The following SCGB1C1 variants were observed in gnomAD, a reference collection of about 807,000 sequenced individuals.
SCGB1C1 encodes the protein ligand binding protein RYD5.
SCGB1C1 carries 2 observed loss-of-function variants against 8.9 expected under a neutral mutation model. The ratio of observed to expected loss-of-function variants is 0.23; its 90% confidence interval spans 0.09 to 0.71. The LOEUF (loss-of-function observed/expected upper bound fraction) is 0.71, where lower values mean the gene tolerates loss of function less well. SCGB1C1 is among the 30% of genes least tolerant of loss of function. SCGB1C1 has a pLI of 0.78. For missense variants in SCGB1C1, 25 were observed against 112.7 expected (o/e 0.22, Z 3.52); for synonymous variants, 6 against 45.8 (o/e 0.13, Z 3.51).
chr11:193,546 C>A (rs1231706022), intron 1 of SCGB1C1, among the ~76,000 whole-genome samples, 166 bp from the exon 2 acceptor site: 2 of 152,248 alleles, frequency 1.3e-5, no homozygotes, highest in African/African-American at 4.8e-5. Flanking sequence ...GGTCTTCGGG[C>A]AAGGTGGAGT....
upstream of SCGB1C1, among the ~76,000 whole-genome samples, chr11:191,836 ACCCTAACCCTAACCCTAACCCCTAAC>A (rs760460404): frequency 0.078 from 3,797 of 48,678 alleles, 9 homozygotes; most frequent in South Asian, 0.17. Context: ...CCTAACCCTA[ACCCTAACCCTAACCCTAACCCCTAAC>A]CCCTAACCCT....
chr11:189,553 G>T (rs1346561145), upstream of SCGB1C1, among the ~76,000 whole-genome samples: 15 of 27,190 alleles, frequency 5.5e-4, no homozygotes, highest in Non-Finnish European at 8.1e-4. Flanking sequence ...TGTGGGTTTG[G>T]GGGGAGGTGG....
upstream of SCGB1C1, among the ~76,000 whole-genome samples, chr11:190,003 CTCTTCTG>C (rs1854764418): frequency 6.6e-6 from 1 of 152,006 alleles, no homozygotes; most frequent in African/African-American, 2.4e-5. Flanking sequence ...GGGGCACGCC[CTCTTCTG>C]GCCGCTGGGG....
upstream of SCGB1C1, among the ~76,000 whole-genome samples, chr11:192,498 C>G (rs1186087929): frequency 2.7e-5 from 4 of 150,150 alleles, no homozygotes; most frequent in Admixed American, 2.6e-4. Context: ...CTCAGACCCT[C>G]TCAGGCCACC....
At chr11:190,254 G>A (rs1425287933), upstream of SCGB1C1, among the ~76,000 whole-genome samples, 5 of 149,700 alleles carry the variant, frequency 3.3e-5, no homozygotes, top group African/African-American at 7.3e-5. Flanking sequence ...CCACCTGCGG[G>A]CAGATGGGGA....
At chr11:190,743 T>C (rs1217027096), upstream of SCGB1C1, among the ~76,000 whole-genome samples, 1 of 152,308 alleles carries the variant, frequency 6.6e-6, no homozygotes, top group African/African-American at 2.4e-5. Flanking sequence ...CCAGCCTCCT[T>C]CCCGCCATCC....
chr11:192,358 G>A (rs1371684191), upstream of SCGB1C1, among the ~76,000 whole-genome samples: 59 of 152,002 alleles, frequency 3.9e-4, no homozygotes, highest in African/African-American at 1.3e-3. Context: ...CAACCTGGGG[G>A]GTTGAACCCC....
intron 2 of SCGB1C1, among the ~76,000 whole-genome samples, chr11:194,205 A>T (rs1265293822): frequency 1.7e-5 from 2 of 118,730 alleles, no homozygotes; most frequent in Non-Finnish European, 3.5e-5. Context: ...CACATGTATA[A>T]ACACGTTCAC....
chr11:192,975 A>C, upstream of SCGB1C1: 1 of 515,156 alleles, frequency 1.9e-6, no homozygotes, highest in South Asian at 1.8e-5. Context: ...GATGTGAACA[A>C]ACCTCATCTA....
upstream of SCGB1C1, among the ~76,000 whole-genome samples, chr11:190,422 A>G (rs1307163278): frequency 6.8e-6 from 1 of 146,140 alleles, no homozygotes; most frequent in Non-Finnish European, 1.5e-5. Flanking sequence ...TGGAAGAAAC[A>G]TTTTCACCAA....
At chr11:189,830 C>A (rs1854756877), upstream of SCGB1C1, among the ~76,000 whole-genome samples, 1 of 152,210 alleles carries the variant, frequency 6.6e-6, no homozygotes, top group Non-Finnish European at 1.5e-5. Flanking sequence ...CCCCTGCTGG[C>A]GCCGGGGCAC....
chr11:191,869 CCCTAA>C (rs1342692372), upstream of SCGB1C1, among the ~76,000 whole-genome samples: 287 of 7,936 alleles, frequency 0.036, 2 homozygotes, highest in Non-Finnish European at 0.089. Flanking sequence ...TAACCCCTAA[CCCTAA>C]CCCTAACCCT....
chr11:189,946 G>C (rs796249414), upstream of SCGB1C1, among the ~76,000 whole-genome samples: 8 of 111,860 alleles, frequency 7.2e-5, no homozygotes, highest in African/African-American at 1.3e-4. Flanking sequence ...ACGCCCGCCT[G>C]CTGGCAGATG....
chr11:191,379 G>A (rs552762684), upstream of SCGB1C1, among the ~76,000 whole-genome samples: 1 of 108,296 alleles, frequency 9.2e-6, no homozygotes, highest in Admixed American at 1.2e-4. Flanking sequence ...ATACACAAAA[G>A]AAGTGACAGT....
At chr11:193,637 C>T (rs1854857096) in intron 1 of SCGB1C1, 75 bp from the exon 2 acceptor site, 1 of 1,586,302 alleles carries the variant, frequency 6.3e-7, no homozygotes, top group Admixed American at 1.7e-5. Context: ...GGTTGGAGCC[C>T]TGGGGCAGGT....
At chr11:190,366 C>T (rs1365989489), upstream of SCGB1C1, among the ~76,000 whole-genome samples, 10 of 122,804 alleles carry the variant, frequency 8.1e-5, no homozygotes, top group African/African-American at 2.8e-4. Flanking sequence ...CAAACTGAAA[C>T]GGAGCTATTA....
rs565381705 is a variant in SCGB1C1 at position 194,438 on chromosome 11, G to C, written c.276G>C (p.Gln92His). The change falls in exon 3 of 3, where the codon CAG (glutamine) becomes CAC (histidine). Residue 92 changes from glutamine to histidine, a missense_variant. Physicochemically the swap from Gln to His is conservative, Grantham distance 24 (BLOSUM62 0). Transcript: ENST00000342878. Reference protein sequence around the residue: ...VKLLVQVLGSQDGA With the variant: ...VKLLVQVLGSHDGA Reference sequence around the variant, plus strand: ...TCCAGGTGCAAGTGCTGGGCAGTCAGGACGGTGCCTAAGTGGACCTCAGAC... The same window carrying C: ...TCCAGGTGCAAGTGCTGGGCAGTCACGACGGTGCCTAAGTGGACCTCAGAC... The C allele has an allele frequency of 1.1e-6, 1 of 878,742 alleles. No homozygotes were observed. The highest frequency in any genetic ancestry group is 1.8e-6 in the Non-Finnish European group (1 of 546,788). 54.4% of individuals were successfully genotyped at this position (878,742 alleles called of 1,614,324 possible). A position where few individuals can be genotyped will look rare whatever the true frequency, so the allele number is the denominator to read the frequency against.
upstream of SCGB1C1, among the ~76,000 whole-genome samples, chr11:188,734 ATT>A (rs1854720345): frequency 9.2e-6 from 1 of 109,206 alleles, no homozygotes; most frequent in Non-Finnish European, 2.0e-5. Flanking sequence ...ACTAAATGTG[ATT>A]TTACACTCGT....
chr11:188,296 T>C (rs1264142417), upstream of SCGB1C1, among the ~76,000 whole-genome samples: 2 of 151,818 alleles, frequency 1.3e-5, no homozygotes, highest in Non-Finnish European at 2.9e-5. Flanking sequence ...AAACCCACAT[T>C]TGTTGTAATT....
Sources: gnomAD v4.1 joint callset for allele counts (sites outside exome capture counted in the v4.1 genomes callset) on GRCh38, gnomAD v4.1.1 for gene constraint, MANE v1.5 for transcripts, NCBI Gene and HGNC (gene_info 2026-07-23, HGNC 2026-07-21) for gene names.